Variants in PCDH15 observed in about 807,000 individuals in gnomAD.
PCDH15 encodes the protein protocadherin-15.
A neutral mutation model predicts 178.5 loss-of-function variants in PCDH15; 129 were observed. The ratio of observed to expected loss-of-function variants is 0.72; its 90% CI spans 0.63 to 0.84. The LOEUF is 0.84. Among genes scored for constraint, PCDH15 ranks in the 40% least tolerant of loss-of-function variants. PCDH15 has a pLI of 0.00. For missense variants in PCDH15, 2,230 were observed against 2,099.9 expected, an observed-to-expected ratio of 1.06 and a Z score of -1.21; for synonymous variants, 800 against 732.0, an observed-to-expected ratio of 1.09 and a Z score of -1.50.
chr10:54,445,373 T>C (rs1187564501), intron 3 of PCDH15, among the ~76,000 whole-genome samples: 1 of 151,564 alleles, frequency 6.6e-6, no homozygotes, highest in East Asian at 1.9e-4. Flanking sequence ...GAGAATCCAA[T>C]TCCATATCAC....
chr10:53,883,126 TA>T (rs1291798210), intron 26 of PCDH15, among the ~76,000 whole-genome samples: 2 of 151,340 alleles, frequency 1.3e-5, no homozygotes, highest in African/African-American at 4.9e-5. Flanking sequence ...TGTATACATA[TA>T]AAAATACATA....
intron 2 of PCDH15, among the ~76,000 whole-genome samples, chr10:55,054,264 G>A (rs1473441437): frequency 1.3e-5 from 2 of 152,162 alleles, no homozygotes; most frequent in African/African-American, 4.8e-5. Flanking sequence ...ACTTACAAGT[G>A]AGAATAGGTG....
At chr10:54,683,082 G>C (rs1174551915) in intron 1 of PCDH15, among the ~76,000 whole-genome samples, 1 of 152,132 alleles carries the variant, frequency 6.6e-6, no homozygotes, top group East Asian at 1.9e-4. Flanking sequence ...AAAATTCTGA[G>C]ATATTATAAG....
At chr10:53,983,419 C>A (rs936240900) in intron 21 of PCDH15, among the ~76,000 whole-genome samples, 2 of 150,692 alleles carry the variant, frequency 1.3e-5, no homozygotes, top group Non-Finnish European at 3.0e-5. Context: ...AAGTCCTGTG[C>A]TTTTTTTACT....
At chr10:53,924,934 C>T (rs890112866) in intron 25 of PCDH15, among the ~76,000 whole-genome samples, 3 of 152,120 alleles carry the variant, frequency 2.0e-5, no homozygotes, top group Admixed American at 6.6e-5. Context: ...AGAACTTTTG[C>T]GTCTAGCTCA....
intron 3 of PCDH15, among the ~76,000 whole-genome samples, chr10:54,427,488 C>A (rs146934309): frequency 6.6e-6 from 1 of 151,496 alleles, no homozygotes; most frequent in Non-Finnish European, 1.5e-5. Context: ...TTGTTGGTCA[C>A]GCTTGTATTG....
At chr10:54,013,925 T>C (rs116925872) in intron 20 of PCDH15, among the ~76,000 whole-genome samples, 3,819 of 140,682 alleles carry the variant, frequency 0.027, 108 homozygotes, top group South Asian at 0.13. Context: ...CTGAAGGAAA[T>C]TGAGATGCAA....
At chr10:55,580,979 C>T (rs1056340307) in intron 2 of PCDH15, among the ~76,000 whole-genome samples, 14 of 152,082 alleles carry the variant, frequency 9.2e-5, no homozygotes, top group African/African-American at 3.1e-4. Flanking sequence ...TATGTGAAAA[C>T]CACAATGAGA....
In PCDH15 at chr10:55,084,689, A is replaced by G. The variant is rs541525225; in HGVS notation, c.-80+81887T>C. On this transcript the variant is annotated intron_variant, in intron 2 of 5. Coordinates refer to the PCDH15 transcript ENST00000458638. ...CTAACTATCCATCTAACAAGGGATTAATAACCAGAATATATAAGGAGCTCA... is the reference window on the plus strand; with the variant it reads ...CTAACTATCCATCTAACAAGGGATTGATAACCAGAATATATAAGGAGCTCA... Among the ~76,000 whole-genome samples, 46 of 152,158 alleles carry G rather than the reference A, an allele frequency of 3.0e-4. 2 individuals carry two copies. The highest frequency in any genetic ancestry group is 3.4e-3 in the Middle Eastern group (1 of 294).
At chr10:53,857,115 A>T (rs2078799601) in intron 28 of PCDH15, 60 bp downstream of exon 28, 2 of 1,212,100 alleles carry the variant, frequency 1.7e-6, no homozygotes, top group African/African-American at 3.1e-5. Flanking sequence ...AAATTTAAAA[A>T]ATACAGTTAA....
At chr10:55,596,548 A>T (rs1482852259) in intron 2 of PCDH15, among the ~76,000 whole-genome samples, 1 of 152,148 alleles carries the variant, frequency 6.6e-6, no homozygotes, top group Non-Finnish European at 1.5e-5. Context: ...CAGCTATCCC[A>T]TAGGTTATTA....
chr10:54,723,190 T>C (rs1194033964), intron 1 of PCDH15, among the ~76,000 whole-genome samples: 5 of 151,530 alleles, frequency 3.3e-5, no homozygotes, highest in African/African-American at 1.2e-4. Context: ...ATGCTACTAG[T>C]ACAAAAATGG....
chr10:55,125,508 C>A (rs1367489880), intron 2 of PCDH15, among the ~76,000 whole-genome samples: 2 of 151,888 alleles, frequency 1.3e-5, no homozygotes, highest in Non-Finnish European at 2.9e-5. Flanking sequence ...TGGTATAACC[C>A]ATAAAGGTCA....
intron 3 of PCDH15, among the ~76,000 whole-genome samples, chr10:54,849,636 G>T (rs988992952): frequency 6.6e-6 from 1 of 152,066 alleles, no homozygotes; most frequent in African/African-American, 2.4e-5. Context: ...GGGTGCATTA[G>T]TTTTTATTTA....
chr10:55,462,908 A>C (rs957913588), intron 2 of PCDH15, among the ~76,000 whole-genome samples: 6 of 152,098 alleles, frequency 3.9e-5, no homozygotes, highest in African/African-American at 1.2e-4. Context: ...GTTTTTAATA[A>C]AGAAGAATTT....
intron 3 of PCDH15, among the ~76,000 whole-genome samples, chr10:54,430,363 C>T (rs1956821501): frequency 6.6e-6 from 1 of 151,980 alleles, no homozygotes; most frequent in African/African-American, 2.4e-5. Context: ...CCAAAATACA[C>T]ATTTTTCTCT....
intron 3 of PCDH15, among the ~76,000 whole-genome samples, chr10:54,834,510 AT>A (rs1953281041): frequency 6.6e-6 from 1 of 152,060 alleles, no homozygotes; most frequent in South Asian, 2.1e-4. Context: ...ATCTGTAATA[AT>A]TTGCAAAACT....
intron 2 of PCDH15, among the ~76,000 whole-genome samples, chr10:55,368,864 C>T (rs558995696): frequency 5.3e-5 from 8 of 151,906 alleles, no homozygotes; most frequent in East Asian, 1.9e-4. Flanking sequence ...CTACAGGTTG[C>T]GTAAGAAGAA....
intron 1 of PCDH15, among the ~76,000 whole-genome samples, chr10:54,716,685 C>T: frequency 6.6e-6 from 1 of 151,918 alleles, no homozygotes; most frequent in East Asian, 1.9e-4. Context: ...CCATACCACC[C>T]AAGGTAAATC....
Sources: allele counts gnomAD v4.1 joint callset (sites outside exome capture counted in the v4.1 genomes callset), GRCh38; gene constraint gnomAD v4.1.1; transcripts MANE v1.5; gene names NCBI Gene and HGNC (gene_info 2026-07-23, HGNC 2026-07-21).